FUT8: variants seen among roughly 807,000 people sequenced by gnomAD.
FUT8 encodes fucosyltransferase 8.
In FUT8, 29 loss-of-function variants were observed where a neutral mutation model predicts 71.3. That is an observed-to-expected ratio of 0.41 (90% confidence interval 0.30 to 0.55). FUT8 has a LOEUF of 0.55. FUT8 is among the 20% of genes least tolerant of loss of function. The pLI is 0.34. For synonymous variants in FUT8, 254 were observed against 239.3 expected (o/e 1.06, Z -0.57); for missense variants, 544 against 702.1 (o/e 0.77, Z 2.55).
At chr14:65,454,965 A>G (rs1288835280) in intron 1 of FUT8, among the ~76,000 whole-genome samples, 1 of 152,182 alleles carries the variant, frequency 6.6e-6, no homozygotes, top group Non-Finnish European at 1.5e-5. Context: ...TACTCTACTG[A>G]AGATTAATGG....
At chr14:65,721,448 C>T (rs1305076906) in intron 7 of FUT8, among the ~76,000 whole-genome samples, 3 of 152,072 alleles carry the variant, frequency 2.0e-5, no homozygotes, top group Non-Finnish European at 4.4e-5. Context: ...AAAAATAGAA[C>T]TTTGCTAGCT....
intron 1 of FUT8, among the ~76,000 whole-genome samples, chr14:65,427,108 C>G (rs933623365): frequency 6.6e-6 from 1 of 152,092 alleles, no homozygotes; most frequent in Admixed American, 6.5e-5. Context: ...GTGATCCGCC[C>G]GCCTTGGCCT....
chr14:65,613,694 T>C (rs1889126572), intron 3 of FUT8, among the ~76,000 whole-genome samples: 1 of 152,220 alleles, frequency 6.6e-6, no homozygotes, highest in Admixed American at 6.5e-5. Flanking sequence ...GCTGTAACAA[T>C]AGCTACTTTA....
chr14:65,399,269 A>T, the FUT8 span, among the ~76,000 whole-genome samples: 3 of 152,196 alleles, frequency 2.0e-5, no homozygotes, highest in Non-Finnish European at 4.4e-5. Context: ...GTGAGCCGCG[A>T]TCGCGCCACT....
intron 9 of FUT8, among the ~76,000 whole-genome samples, chr14:65,727,680 T>G (rs756883901): frequency 2.0e-4 from 31 of 152,174 alleles, no homozygotes; most frequent in Non-Finnish European, 3.5e-4. Context: ...CCCCATTGTA[T>G]TGGTGATTAA....
chr14:65,419,748 C>G (rs771005747), intron 1 of FUT8, among the ~76,000 whole-genome samples: 1 of 152,094 alleles, frequency 6.6e-6, no homozygotes, highest in Non-Finnish European at 1.5e-5. Context: ...TAGTGAAACT[C>G]TAGGGGTTAG....
At chr14:65,449,455 G>A (rs780031725) in intron 1 of FUT8, among the ~76,000 whole-genome samples, 8 of 152,060 alleles carry the variant, frequency 5.3e-5, no homozygotes, top group African/African-American at 9.7e-5. Flanking sequence ...GAAAGAATGC[G>A]GCTTCCGTTG....
chr14:65,601,320 T>A (rs1434363042), intron 3 of FUT8, among the ~76,000 whole-genome samples: 1 of 152,192 alleles, frequency 6.6e-6, no homozygotes, highest in African/African-American at 2.4e-5. Context: ...AAGCTTGACA[T>A]TTGAATAAAT....
At chr14:65,557,994 G>A (rs1489229438) in intron 2 of FUT8, among the ~76,000 whole-genome samples, 1 of 152,038 alleles carries the variant, frequency 6.6e-6, no homozygotes, top group Non-Finnish European at 1.5e-5. Context: ...TCTAAATGAA[G>A]AAAATAAGAT....
chr14:65,613,153 A>T (rs912971252), intron 3 of FUT8, among the ~76,000 whole-genome samples: 1 of 152,148 alleles, frequency 6.6e-6, no homozygotes, highest in Non-Finnish European at 1.5e-5. Context: ...TACTGAAAAG[A>T]TCACATGCTA....
chr14:65,448,579 A>C (rs77506164), intron 1 of FUT8, among the ~76,000 whole-genome samples: 8,925 of 152,264 alleles, frequency 0.059, 385 homozygotes, highest in Non-Finnish European at 0.092. Flanking sequence ...TAAATATAAT[A>C]TGTGTTAAGG....
chr14:65,406,495 T>G (rs2065089412), upstream of FUT8, among the ~76,000 whole-genome samples: 1 of 152,130 alleles, frequency 6.6e-6, no homozygotes, highest in Admixed American at 6.5e-5. Context: ...CAGGGCTTGT[T>G]TTCTTTTTCT....
chr14:65,561,912 G>C (rs541543742), intron 3 of FUT8, 146 bp downstream of exon 3: 13 of 710,824 alleles, frequency 1.8e-5, no homozygotes, highest in Middle Eastern at 3.6e-4. Flanking sequence ...TTCTATCTCT[G>C]TGTATTTAAT....
intron 3 of FUT8, among the ~76,000 whole-genome samples, chr14:65,590,966 G>A (rs1887654498): frequency 6.6e-6 from 1 of 152,156 alleles, no homozygotes; most frequent in African/African-American, 2.4e-5. Flanking sequence ...TTGGCAAAAT[G>A]TTATGGCCTT....
intron 6 of FUT8, among the ~76,000 whole-genome samples, chr14:65,662,976 T>C (rs1365954112): frequency 6.6e-6 from 1 of 152,190 alleles, no homozygotes; most frequent in Non-Finnish European, 1.5e-5. Context: ...TATCTGCCTA[T>C]TAGTGAGTCT....
intron 6 of FUT8, among the ~76,000 whole-genome samples, chr14:65,654,367 T>C (rs1476482571): frequency 6.6e-6 from 1 of 152,158 alleles, no homozygotes; most frequent in Non-Finnish European, 1.5e-5. Flanking sequence ...GGCAGGCGGA[T>C]CACCTGAGGT....
At chr14:65,395,770 T>C in the FUT8 span, among the ~76,000 whole-genome samples, 1 of 152,278 alleles carries the variant, frequency 6.6e-6, no homozygotes, top group Non-Finnish European at 1.5e-5. Context: ...CTTATGCAAA[T>C]TTCTGCAGCC....
chr14:65,679,194 GC>G (rs1361403678), intron 7 of FUT8, among the ~76,000 whole-genome samples: 5 of 152,158 alleles, frequency 3.3e-5, no homozygotes, highest in Non-Finnish European at 7.3e-5. Context: ...TTAAATACCT[GC>G]CTCTGCTGCT....
rs2140189545 is a variant in FUT8 at position 65,607,916 on chromosome 14, T to A, written c.204-8062T>A. ...CGTCTCTACGAAAAATACAAAAAAA[T>A]TAGCTGGGTGTGGCGGCGCATGCCT... On this transcript the variant is annotated intron_variant, in intron 3 of 10. Coordinates refer to ENST00000673929, the MANE Select transcript of FUT8 (RefSeq NM_001371533.1). This position sits in a 1 kb window ranked among gnomAD's most constrained non-coding sequence, Gnocchi z 4.1. Among the ~76,000 whole-genome samples, 1 of 151,550 alleles carries A rather than the reference T, an allele frequency of 6.6e-6. No homozygotes were observed. The highest frequency in any genetic ancestry group is 2.1e-4 in the South Asian group (1 of 4,740).
Sources: allele counts gnomAD v4.1 joint callset (sites outside exome capture counted in the v4.1 genomes callset), GRCh38; gene constraint gnomAD v4.1.1; non-coding constraint Gnocchi (gnomAD v3.1); transcripts MANE v1.5; gene names NCBI Gene and HGNC (gene_info 2026-07-23, HGNC 2026-07-21).